Variants in HOXD13 observed in about 807,000 individuals in gnomAD.
HOXD13 encodes the protein homeobox D13, also known as homeobox protein Hox-D13.
A neutral mutation model predicts 27.3 loss-of-function variants in HOXD13; 16 were observed. The observed-to-expected ratio is 0.59, with a 90% CI of 0.40 to 0.89. The LOEUF (loss-of-function observed/expected upper bound fraction) is 0.89. HOXD13 is among the 40% of genes least tolerant of loss of function. The probability of loss-of-function intolerance (pLI) is 0.00; values close to 1 mark genes in which losing one functional copy is unlikely to be tolerated. For synonymous variants in HOXD13, 241 were observed against 219.0 expected, an observed-to-expected ratio of 1.10 and a Z score of -0.89; for missense variants, 481 against 482.6, an observed-to-expected ratio of 1.00 and a Z score of 0.03.
rs2105378685 is a variant in HOXD13 at position 176,093,348 on chromosome 2, C to T, written c.458C>T (p.Ser153Leu). Residue 153 changes from serine to leucine, a missense_variant, in exon 1 of 2, where the codon TCA becomes TTA. Ser to Leu is a moderately radical substitution (Grantham distance 145, BLOSUM62 -2). Coordinates refer to ENST00000392539, the MANE Select transcript of HOXD13 (RefSeq NM_000523.4). Reference protein sequence around the residue: ...GVGLQQNALKSSPHASLGGFP... With the variant: ...GVGLQQNALKLSPHASLGGFP... ...GGCTTACAGCAGAATGCGCTCAAGT[C>T]ATCGCCGCACGCCTCGCTGGGAGGC... 6.2e-7 allele frequency: 1 copy of T among 1,613,698 alleles called. No individual in the cohort carries two copies. The highest frequency in any genetic ancestry group is 8.5e-7 in the Non-Finnish European group (1 of 1,180,030).
upstream of HOXD13, among the ~76,000 whole-genome samples, chr2:176,088,719 A>G (rs1689279187): frequency 1.3e-5 from 2 of 152,206 alleles, no homozygotes; most frequent in African/African-American, 4.8e-5. Context: ...GTGAGAATTT[A>G]CTGGACTTCC....
At chr2:176,092,691 T>A (rs1421950952), upstream of HOXD13, among the ~76,000 whole-genome samples, 1 of 151,872 alleles carries the variant, frequency 6.6e-6, no homozygotes, top group Non-Finnish European at 1.5e-5. Flanking sequence ...TGAACTTCGT[T>A]TTTATAAACG....
rs947675108 is a variant in HOXD13, at chr2:176,095,923, A to C, written c.*1193A>C. 13 of 190,694 alleles carry C rather than the reference A, an allele frequency of 6.8e-5. No individual in the cohort carries two copies. The highest frequency in any genetic ancestry group is 2.8e-4 in the African/African-American group (12 of 42,958). The allele number at this position is 190,694 out of a possible 1,614,324, so 11.8% of individuals were successfully genotyped here. A position where few individuals can be genotyped will look rare whatever the true frequency, so the allele number is the denominator to read the frequency against. The stretch of plus-strand genomic sequence containing the variant: ...TACTCCTAGGGAGATGCCAATAAAC[A>C]GAACTCTTTTGTTTCTTCTGAGTCC... On this transcript the variant is annotated 3_prime_UTR_variant, in exon 2 of 2. Transcript: ENST00000392539.
In HOXD13 at chr2:176,092,743, G is replaced by T; in HGVS notation, c.-148G>T. 1 of 455,784 alleles carries T rather than the reference G, an allele frequency of 2.2e-6. No homozygotes were observed. The highest frequency in any genetic ancestry group is 1.1e-4 in the South Asian group (1 of 8,974). The allele number at this position is 455,784 out of a possible 1,614,324, so 28.2% of individuals were successfully genotyped here. ...CCTGTTGGAGGGCAGGCGGGCCGGA[G>T]GCGGGAGGCTCACAGAGGGAGAGAG... On this transcript the variant is annotated 5_prime_UTR_variant, in exon 1 of 2. It adds an upstream start codon to the 5' untranslated region. Coordinates refer to ENST00000392539, the MANE Select transcript of HOXD13 (RefSeq NM_000523.4).
At position 176,093,148 on chromosome 2, in the gene HOXD13, CTCG is replaced by C. The variant is rs1485150809; in HGVS notation, c.267_269del (p.Ser92del). On this transcript the variant is annotated inframe_deletion, in exon 1 of 2. Coordinates refer to ENST00000392539, the MANE Select transcript of HOXD13 (RefSeq NM_000523.4). Reference sequence around the variant, plus strand: ...GGACCTCTGAGCGCACGGGCTCTTCCTCGTCGTCGTCCTCTTCTGCCGTTGTAG... The same window carrying C: ...GGACCTCTGAGCGCACGGGCTCTTCCTCGTCGTCCTCTTCTGCCGTTGTAG... 1 of 1,606,534 alleles carries C rather than the reference CTCG, an allele frequency of 6.2e-7. No homozygotes were observed. The highest frequency in any genetic ancestry group is 1.7e-5 in the Admixed American group (1 of 59,946).
chr2:176,090,594 C>A (rs1243994121), upstream of HOXD13, among the ~76,000 whole-genome samples: 1 of 152,170 alleles, frequency 6.6e-6, no homozygotes, highest in East Asian at 1.9e-4. Flanking sequence ...GAAGCAGAAG[C>A]CCAAGGCACA....
At chr2:176,091,005 C>T (rs556959768), upstream of HOXD13, among the ~76,000 whole-genome samples, 15 of 152,244 alleles carry the variant, frequency 9.9e-5, no homozygotes, top group African/African-American at 1.7e-4. Flanking sequence ...CCTCCCATCT[C>T]AAATTTGATC....
chr2:176,093,679 C>A lies in HOXD13; in HGVS notation c.781+8C>A, dbSNP rs751492206. 8.3e-6 allele frequency: 13 copies of A among 1,557,556 alleles called. No homozygotes were observed. The East Asian group carries it at 2.0e-4, about 24-fold the overall frequency. Reference sequence around the variant, plus strand: ...GGAAATCTTCCTTTCCAGGTAGGGGCGATGGAGAAAAGGGACCGACACGAG... The same window carrying A: ...GGAAATCTTCCTTTCCAGGTAGGGGAGATGGAGAAAAGGGACCGACACGAG... On this transcript the variant is annotated splice_region_variant and intron_variant, in intron 1 of 1. Coordinates refer to ENST00000392539, the MANE Select transcript of HOXD13 (RefSeq NM_000523.4).
In HOXD13 at chr2:176,093,509, A is replaced by G. The variant is rs778122220; in HGVS notation, c.619A>G (p.Ile207Val). 1.9e-6 allele frequency: 3 copies of G among 1,614,042 alleles called. No individual in the cohort carries two copies. The highest frequency in any genetic ancestry group is 2.5e-6 in the Non-Finnish European group (3 of 1,180,030). Residue 207 changes from isoleucine to valine, a missense_variant, in exon 1 of 2, where the codon ATC becomes GTC. Ile to Val is a conservative substitution (Grantham distance 29, BLOSUM62 3). Transcript: ENST00000392539. ...TSPYQHVPGY[I>V]DMVSTFGSGE... ...CCCTTACCAGCACGTGCCCGGCTAT[A>G]TCGACATGGTGTCCACTTTCGGCTC...
At chr2:176,090,256 A>T (rs1689299809), upstream of HOXD13, among the ~76,000 whole-genome samples, 1 of 152,266 alleles carries the variant, frequency 6.6e-6, no homozygotes, top group Admixed American at 6.5e-5. Flanking sequence ...GTTCAGCAGC[A>T]GGATATCAAG....
chr2:176,093,258 C>T lies in HOXD13; in HGVS notation c.368C>T (p.Pro123Leu), dbSNP rs1363488316. 1 of 1,610,694 alleles carries T rather than the reference C, an allele frequency of 6.2e-7. No individual in the cohort carries two copies. Among genetic ancestry groups the T allele is most frequent in the Non-Finnish European group, 8.5e-7 (1 of 1,179,446 alleles). Reference protein sequence around the residue: ...AAAAAAPPSAPALGYGYHFGN... With the variant: ...AAAAAAPPSALALGYGYHFGN... ...GCCGCTGCAGCGCCCCCGAGCGCTC[C>T]AGCGCTGGGCTACGGCTACCACTTC... The change falls in exon 1 of 2, where the codon CCA (proline) becomes CTA (leucine). Residue 123 changes from proline (P) to leucine (L), a missense_variant. Physicochemically the swap from Pro to Leu is moderately conservative, Grantham distance 98. Transcript: ENST00000392539.
rs184749616 is a variant in HOXD13, at chr2:176,095,719, T to G, written c.*989T>G. On this transcript the variant is annotated 3_prime_UTR_variant, in exon 2 of 2. Transcript: ENST00000392539. ...ATGGAGCTGTAAAGCATCTAACAAA[T>G]ATGAAAAATGTGAAGTTCCAAGGTC... is the stretch of plus-strand genomic sequence containing the variant. The G allele has an allele frequency of 1.9e-4, 43 of 224,846 alleles. 1 individual carries two copies. Among genetic ancestry groups the G allele is most frequent in the African/African-American group, 8.5e-4 (38 of 44,930 alleles). The allele number at this position is 224,846 out of a possible 1,614,324, so 13.9% of individuals were successfully genotyped here.
upstream of HOXD13, among the ~76,000 whole-genome samples, chr2:176,092,539 G>C (rs1349108524): frequency 6.6e-6 from 1 of 151,820 alleles, no homozygotes; most frequent in Non-Finnish European, 1.5e-5. Flanking sequence ...CGGAGTGGGT[G>C]GGTCCAGCCA....
At chr2:176,091,469 G>A (rs1462406672), upstream of HOXD13, among the ~76,000 whole-genome samples, 4 of 152,140 alleles carry the variant, frequency 2.6e-5, no homozygotes, top group Non-Finnish European at 5.9e-5. Flanking sequence ...ATTGAGGGAT[G>A]GTGGGCTGGA....
rs1689388181 is a variant in HOXD13 at position 176,094,781 on chromosome 2, A to G, written c.*51A>G. 1 of 1,564,744 alleles carries G rather than the reference A, an allele frequency of 6.4e-7. No individual in the cohort carries two copies. The highest frequency in any genetic ancestry group is 1.4e-5 in the African/African-American group (1 of 73,980). On this transcript the variant is annotated 3_prime_UTR_variant, in exon 2 of 2. Coordinates refer to ENST00000392539, the MANE Select transcript of HOXD13 (RefSeq NM_000523.4). ...CTTAGAAGCCATTCGGTTGTCTCCAAAAGGCCTTTGGAAAGACTTGAATAT... is the reference window on the plus strand; with the variant it reads ...CTTAGAAGCCATTCGGTTGTCTCCAGAAGGCCTTTGGAAAGACTTGAATAT...
chr2:176,094,241 A>G (rs1303593215), intron 1 of HOXD13, among the ~76,000 whole-genome samples: 1 of 152,248 alleles, frequency 6.6e-6, no homozygotes, highest in African/African-American at 2.4e-5. Flanking sequence ...TGCCGGTTTG[A>G]GAAACTATGA....
chr2:176,092,823 G>A lies in HOXD13; in HGVS notation c.-68G>A, dbSNP rs1473183397. On this transcript the variant is annotated 5_prime_UTR_variant, in exon 1 of 2. Transcript: ENST00000392539. The stretch of plus-strand genomic sequence containing the variant: ...ACCAGAGAGAAAGGAGAGGAGGGAG[G>A]AGGCGCGCCGCGCCATGGTGTCCTG... The A allele has an allele frequency of 9.8e-7, 1 of 1,018,920 alleles. No homozygotes were observed. Among genetic ancestry groups the A allele is most frequent in the Non-Finnish European group, 1.2e-6 (1 of 801,198 alleles). The allele number at this position is 1,018,920 out of a possible 1,614,324, so 63.1% of individuals were successfully genotyped here.
chr2:176,091,874 G>T (rs1297267088), upstream of HOXD13, among the ~76,000 whole-genome samples: 2 of 152,088 alleles, frequency 1.3e-5, no homozygotes, highest in African/African-American at 4.8e-5. Context: ...TTTCTCCCCC[G>T]GCGCCGTTCT....
rs1244638338 is a variant in HOXD13 at position 176,095,570 on chromosome 2, A to G, written c.*840A>G. On this transcript the variant is annotated 3_prime_UTR_variant, in exon 2 of 2. Coordinates refer to ENST00000392539, the MANE Select transcript of HOXD13 (RefSeq NM_000523.4). ...ACCTCCTTTTCTTGGCCTTGGATCTATGGGTCTGGGATTGTGGTCATCTCC... is the reference window on the plus strand; with the variant it reads ...ACCTCCTTTTCTTGGCCTTGGATCTGTGGGTCTGGGATTGTGGTCATCTCC... 8.8e-6 allele frequency: 2 copies of G among 228,510 alleles called. No individual in the cohort carries two copies. The highest frequency in any genetic ancestry group is 6.3e-5 in the East Asian group (1 of 15,986). The allele number at this position is 228,510 out of a possible 1,614,324, so 14.2% of individuals were successfully genotyped here.
Sources: gnomAD v4.1 joint callset for allele counts (sites outside exome capture counted in the v4.1 genomes callset) on GRCh38, gnomAD v4.1.1 for gene constraint, MANE v1.5 for transcripts, NCBI Gene and HGNC (gene_info 2026-07-23, HGNC 2026-07-21) for gene names.